Variants in SHROOM3 observed in about 807,000 individuals in gnomAD.
SHROOM3 encodes protein Shroom3.
A neutral mutation model predicts 138.6 loss-of-function variants in SHROOM3; 47 were observed. That is an observed-to-expected ratio of 0.34 (90% CI 0.27 to 0.43). The LOEUF (loss-of-function observed/expected upper bound fraction) is 0.43. Ranked by LOEUF, SHROOM3 falls within the 20% of genes least tolerant of loss-of-function variation. The pLI is 1.00. For missense variants in SHROOM3, 2,491 were observed against 2,596.5 expected, an observed-to-expected ratio of 0.96 and a Z score of 0.88; for synonymous variants, 1,062 against 1,063.3, an observed-to-expected ratio of 1.00 and a Z score of 0.02.
intron 1 of SHROOM3, among the ~76,000 whole-genome samples, chr4:76,517,716 A>G (rs1732472318): frequency 1.3e-5 from 2 of 151,948 alleles, no homozygotes; most frequent in African/African-American, 4.8e-5. Flanking sequence ...TGTTCTGCTA[A>G]TTCTCAGACC....
intron 3 of SHROOM3, among the ~76,000 whole-genome samples, chr4:76,723,768 C>A (rs1029226448): frequency 6.6e-6 from 1 of 152,090 alleles, no homozygotes; most frequent in African/African-American, 2.4e-5. Flanking sequence ...ATTAATAGTC[C>A]TGTATCATAA....
At chr4:76,517,528 G>A (rs1172477061) in intron 1 of SHROOM3, among the ~76,000 whole-genome samples, 2 of 152,062 alleles carry the variant, frequency 1.3e-5, no homozygotes, top group African/African-American at 4.8e-5. Flanking sequence ...TGATGTGCTA[G>A]ATAGGTAAGA....
At chr4:76,726,378 C>T (rs1198089282) in intron 3 of SHROOM3, among the ~76,000 whole-genome samples, 1 of 151,954 alleles carries the variant, frequency 6.6e-6, no homozygotes, top group South Asian at 2.1e-4. Context: ...CTCTCAAAGG[C>T]CCTGTGTTTT....
At chr4:76,541,625 G>GCA (rs149127524) in intron 1 of SHROOM3, among the ~76,000 whole-genome samples, 34,703 of 148,510 alleles carry the variant, frequency 0.23, 4,512 homozygotes, top group Middle Eastern at 0.32. Context: ...ATATGTGGGC[G>GCA]CACACACACA....
At chr4:76,514,886 G>A (rs1472203637) in intron 1 of SHROOM3, among the ~76,000 whole-genome samples, 6 of 152,128 alleles carry the variant, frequency 3.9e-5, no homozygotes, top group African/African-American at 7.2e-5. Flanking sequence ...AGGCCAAGGA[G>A]TTCAAGACCA....
chr4:76,681,849 T>G (rs1419514190), intron 2 of SHROOM3, among the ~76,000 whole-genome samples: 2 of 152,108 alleles, frequency 1.3e-5, no homozygotes, highest in Non-Finnish European at 2.9e-5. Context: ...CCAGCCCAGG[T>G]GTACCACACA....
At chr4:76,614,947 T>C (rs970010587) in intron 2 of SHROOM3, among the ~76,000 whole-genome samples, 2 of 152,178 alleles carry the variant, frequency 1.3e-5, no homozygotes, top group Non-Finnish European at 2.9e-5. Flanking sequence ...CAATAGGCCT[T>C]TGCCAATCCC....
chr4:76,588,016 A>G (rs1734187564), intron 2 of SHROOM3, among the ~76,000 whole-genome samples: 1 of 152,210 alleles, frequency 6.6e-6, no homozygotes. Context: ...GAGAGGGATA[A>G]ATACCCTCAT....
At chr4:76,635,666 T>C (rs72661467) in intron 2 of SHROOM3, among the ~76,000 whole-genome samples, 12,481 of 152,238 alleles carry the variant, frequency 0.082, 559 homozygotes, top group East Asian at 0.13. Context: ...TGGTCTTTCA[T>C]TGGAGTCACT....
intron 1 of SHROOM3, among the ~76,000 whole-genome samples, chr4:76,484,485 C>A (rs544018683): frequency 6.6e-6 from 1 of 152,152 alleles, no homozygotes; most frequent in African/African-American, 2.4e-5. Flanking sequence ...CTGGGAGGAT[C>A]ATTTGAGCCC....
chr4:76,649,519 T>A (rs571031447), intron 2 of SHROOM3, among the ~76,000 whole-genome samples: 1 of 152,308 alleles, frequency 6.6e-6, no homozygotes, highest in African/African-American at 2.4e-5. Context: ...TTAAGCAAAA[T>A]TCTTTGAACA....
intron 2 of SHROOM3, chr4:76,573,461 G>A (rs1317155429): frequency 1.3e-5 from 2 of 152,742 alleles, no homozygotes; most frequent in South Asian, 4.1e-4. Flanking sequence ...AAGCTCACCT[G>A]GTCCAATCAA....
At chr4:76,601,678 AT>A (rs36025197) in intron 2 of SHROOM3, among the ~76,000 whole-genome samples, 41,627 of 151,770 alleles carry the variant, frequency 0.27, 7,183 homozygotes, top group Middle Eastern at 0.46. Context: ...AATTTTTTGT[AT>A]TTTTAGTAGA....
intron 1 of SHROOM3, among the ~76,000 whole-genome samples, chr4:76,524,102 G>T (rs1732628966): frequency 6.6e-6 from 1 of 152,198 alleles, no homozygotes; most frequent in South Asian, 2.1e-4. Flanking sequence ...GAAAGAGAGT[G>T]CAATAGTTAG....
chr4:76,436,570 A>C (rs1022625900), intron 1 of SHROOM3, among the ~76,000 whole-genome samples: 1 of 152,240 alleles, frequency 6.6e-6, no homozygotes, highest in Non-Finnish European at 1.5e-5. Flanking sequence ...TTGTGCATTC[A>C]AAAATATCTG....
intron 2 of SHROOM3, among the ~76,000 whole-genome samples, chr4:76,617,876 G>C (rs1299225614): frequency 8.5e-5 from 13 of 152,170 alleles, no homozygotes; most frequent in Non-Finnish European, 1.0e-4. Flanking sequence ...TTTGAAACTT[G>C]TAAACACATA....
At chr4:76,634,438 G>A (rs1490851092) in intron 2 of SHROOM3, among the ~76,000 whole-genome samples, 2 of 152,176 alleles carry the variant, frequency 1.3e-5, no homozygotes, top group Non-Finnish European at 2.9e-5. Context: ...TTATGGTGAT[G>A]CAGCTTTAAT....
chr4:76,752,034 A>G (rs1360025109), intron 6 of SHROOM3, among the ~76,000 whole-genome samples: 1 of 152,250 alleles, frequency 6.6e-6, no homozygotes, highest in Non-Finnish European at 1.5e-5. Flanking sequence ...TGTATTTACT[A>G]TTCACAATAG....
intron 2 of SHROOM3, among the ~76,000 whole-genome samples, chr4:76,675,772 C>G (rs1169280111): frequency 2.6e-5 from 4 of 152,178 alleles, no homozygotes; most frequent in African/African-American, 9.7e-5. Context: ...AGAAGAATCC[C>G]TTAAGCCCAA....
Sources: allele counts gnomAD v4.1 joint callset (sites outside exome capture counted in the v4.1 genomes callset), GRCh38; gene constraint gnomAD v4.1.1; transcripts MANE v1.5; gene names NCBI Gene and HGNC (gene_info 2026-07-23, HGNC 2026-07-21).